ZNF543: variants seen among roughly 807,000 people sequenced by gnomAD.
ZNF543 encodes the protein zinc finger protein 543.
Under a neutral mutation model 13.4 loss-of-function variants are expected in ZNF543, and 10 were observed. The observed-to-expected ratio is 0.75, with a 90% CI of 0.46 to 1.26. ZNF543 has a LOEUF of 1.26. Ranked by LOEUF, ZNF543 falls within the 50% of genes most tolerant of loss-of-function variation. The pLI, the probability that ZNF543 is intolerant of heterozygous loss-of-function variation, is 0.00. For synonymous variants in ZNF543, 272 were observed against 264.7 expected, an observed-to-expected ratio of 1.03 and a Z score of -0.27; for missense variants, 768 against 741.2, an observed-to-expected ratio of 1.04 and a Z score of -0.42.
Position 57,328,117 on chromosome 19 carries a change from C to G in ZNF543, c.655C>G (p.Arg219Gly). Residue 219 changes from arginine to glycine, a missense_variant, in exon 4 of 4, where the codon CGG becomes GGG. By Grantham distance (125) the Arg-to-Gly change is moderately radical (BLOSUM62 -2). Coordinates refer to ENST00000321545, the MANE Select transcript of ZNF543 (RefSeq NM_213598.4). ...GAATGCCCTCCTTGTTCAGCATGAA[C>G]GGATTCACACTCAAGTGAAGCCCTA... ...KKNALLVQHERIHTQVKPYEC... is the reference protein window; with the variant it reads ...KKNALLVQHEGIHTQVKPYEC... The G allele has an allele frequency of 1.2e-6, 2 of 1,614,216 alleles. No individual in the cohort carries two copies. Among genetic ancestry groups the G allele is most frequent in the Non-Finnish European group, 1.7e-6 (2 of 1,180,030 alleles).
intron 1 of ZNF543, among the ~76,000 whole-genome samples, chr19:57,322,993 G>C (rs1054244923): frequency 1.3e-5 from 2 of 152,074 alleles, no homozygotes; most frequent in Non-Finnish European, 2.9e-5. Context: ...CATGAGGCAG[G>C]CTCACAGGGA....
Position 57,327,984 on chromosome 19 carries a change from A to G in ZNF543, c.522A>G (p.Thr174=), listed in dbSNP as rs1434234099. 1.2e-6 allele frequency: 2 copies of G among 1,614,102 alleles called. No homozygotes were observed. Among genetic ancestry groups the G allele is most frequent in the Middle Eastern group, 1.6e-4 (1 of 6,084 alleles). The stretch of plus-strand genomic sequence containing the variant: ...AGATTACACAGAAACAAGTTTCAAC[A>G]GAAGGTGATCTCTATGAATGTGATT... ...CTKITQKQVS[T]EGDLYECDSH... Residue 174 remains threonine (T), a synonymous_variant, in exon 4 of 4, where the codon ACA becomes ACG. Transcript: ENST00000321545.
In ZNF543 at chr19:57,329,814, C is replaced by T. The variant is rs1297597425; in HGVS notation, c.*549C>T. ...GGCGTGAGCCACCGCGCCCGGCCATCTCAGGGATATTTAAACAAAGGAAGA... is the reference window on the plus strand; with the variant it reads ...GGCGTGAGCCACCGCGCCCGGCCATTTCAGGGATATTTAAACAAAGGAAGA... On this transcript the variant is annotated 3_prime_UTR_variant, in exon 4 of 4. Transcript: ENST00000321545. 1 of 152,512 alleles carries T rather than the reference C, an allele frequency of 6.6e-6. No individual in the cohort carries two copies. Among genetic ancestry groups the T allele is most frequent in the Non-Finnish European group, 1.5e-5 (1 of 68,298 alleles). The allele number at this position is 152,512 out of a possible 1,614,324, so 9.4% of individuals were successfully genotyped here.
chr19:57,328,092 G>C lies in ZNF543; in HGVS notation c.630G>C (p.Lys210Asn). ...AGGAATGCGGGAAAGTGTTTAAAAA[G>C]AATGCCCTCCTTGTTCAGCATGAAC... ...KCEECGKVFK[K>N]NALLVQHERI... Residue 210 changes from lysine (K) to asparagine (N), a missense_variant, in exon 4 of 4, where the codon AAG becomes AAC. This residue lies in a region of ZNF543 where 677 missense variants were observed against 631.4 expected (regional missense o/e 1.07). Coordinates refer to ENST00000321545, the MANE Select transcript of ZNF543 (RefSeq NM_213598.4). 1.9e-6 allele frequency: 3 copies of C among 1,614,228 alleles called. No individual in the cohort carries two copies. Among genetic ancestry groups the C allele is most frequent in the Non-Finnish European group, 2.5e-6 (3 of 1,180,040 alleles).
chr19:57,323,494 CACT>C, intron 1 of ZNF543, 185 bp from the exon 2 acceptor site: 4 of 741,726 alleles, frequency 5.4e-6, no homozygotes, highest in Non-Finnish European at 9.1e-6. Flanking sequence ...GCCTGACCGA[CACT>C]GCTGTAATTT....
At chr19:57,324,354 G>GAAA (rs56924099) in intron 2 of ZNF543, among the ~76,000 whole-genome samples, 3 of 101,796 alleles carry the variant, frequency 2.9e-5, no homozygotes, top group Non-Finnish European at 3.9e-5. Context: ...GACTCCGTCT[G>GAAA]AAAAAAAAAA....
rs2088157993 is a variant in ZNF543 at position 57,330,733 on chromosome 19, T to C, written c.*1468T>C. 6.6e-6 allele frequency: 1 copy of C among 152,138 alleles called. No homozygotes were observed. Among genetic ancestry groups the C allele is most frequent in the Non-Finnish European group, 1.5e-5 (1 of 68,032 alleles). The allele number at this position is 152,138 out of a possible 1,614,324, so 9.4% of individuals were successfully genotyped here. ...ATAGTTTTACCTCATATTAAATATATTGTACAGAAGTAAAAATAATCATGT... is the reference window on the plus strand; with the variant it reads ...ATAGTTTTACCTCATATTAAATATACTGTACAGAAGTAAAAATAATCATGT... On this transcript the variant is annotated 3_prime_UTR_variant, in exon 4 of 4. Coordinates refer to ENST00000321545, the MANE Select transcript of ZNF543 (RefSeq NM_213598.4).
intron 2 of ZNF543, among the ~76,000 whole-genome samples, chr19:57,325,390 T>G (rs866114524): frequency 1.3e-5 from 2 of 152,228 alleles, no homozygotes; most frequent in African/African-American, 4.8e-5. Context: ...AGTACTTATG[T>G]CTTTTACCCC....
rs751837974 is a variant in ZNF543, at chr19:57,328,081, G to C, written c.619G>C (p.Val207Leu). 8 of 1,614,240 alleles carry C rather than the reference G, an allele frequency of 5.0e-6. No individual in the cohort carries two copies. The highest frequency in any genetic ancestry group is 6.8e-6 in the Non-Finnish European group (8 of 1,180,034). Residue 207 changes from valine to leucine, a missense_variant, in exon 4 of 4, where the codon GTG becomes CTG. Val to Leu is a conservative substitution (Grantham distance 32). Coordinates refer to ENST00000321545, the MANE Select transcript of ZNF543 (RefSeq NM_213598.4). ...CTATAAATGTGAGGAATGCGGGAAA[G>C]TGTTTAAAAAGAATGCCCTCCTTGT... is the stretch of plus-strand genomic sequence containing the variant. The part of the protein sequence containing the change: ...NSYKCEECGK[V>L]FKKNALLVQH...
chr19:57,320,958 G>A, intron 1 of ZNF543, 87 bp downstream of exon 1: 3 of 1,572,272 alleles, frequency 1.9e-6, no homozygotes, highest in East Asian at 2.3e-5. Context: ...GCCACAGGAT[G>A]TTTCTTTGTC....
At chr19:57,321,218 A>G (rs1186672280) in intron 1 of ZNF543, among the ~76,000 whole-genome samples, 1 of 152,054 alleles carries the variant, frequency 6.6e-6, no homozygotes, top group Admixed American at 6.5e-5. Context: ...CTTCAGAGCC[A>G]CCAACCTGAC....
At chr19:57,326,038 A>G (rs2088118568) in intron 2 of ZNF543, among the ~76,000 whole-genome samples, 1 of 152,120 alleles carries the variant, frequency 6.6e-6, no homozygotes, top group Non-Finnish European at 1.5e-5. Context: ...GGACTTTTCT[A>G]CTGCCATGGG....
At chr19:57,321,940 C>A (rs2088092455) in intron 1 of ZNF543, among the ~76,000 whole-genome samples, 1 of 152,158 alleles carries the variant, frequency 6.6e-6, no homozygotes, top group South Asian at 2.1e-4. Context: ...GCAGGGGACC[C>A]GTGTGGCTTC....
rs1029751683 is a variant in ZNF543, at chr19:57,330,669, C to A, written c.*1404C>A. 9.9e-5 allele frequency: 15 copies of A among 152,122 alleles called. No homozygotes were observed. Among genetic ancestry groups the A allele is most frequent in the African/African-American group, 3.1e-4 (13 of 41,484 alleles). The allele number at this position is 152,122 out of a possible 1,614,324, so 9.4% of individuals were successfully genotyped here. ...TACACATTTAGAGCGTTTTGTAATT[C>A]CTTTTTTATATTTTTAAGACTAGAT... On this transcript the variant is annotated 3_prime_UTR_variant, in exon 4 of 4. Transcript: ENST00000321545.
intron 1 of ZNF543, 103 bp from the exon 2 acceptor site, chr19:57,323,579 G>T: frequency 7.0e-7 from 1 of 1,420,162 alleles, no homozygotes; most frequent in South Asian, 1.1e-5. Flanking sequence ...TTGGTGATTT[G>T]ATTCTTGGGT....
chr19:57,328,586 CT>C lies in ZNF543; in HGVS notation c.1129del (p.Cys377AlafsTer189). 1 of 1,613,162 alleles carries C rather than the reference CT, an allele frequency of 6.2e-7. No individual in the cohort carries two copies. The highest frequency in any genetic ancestry group is 1.1e-5 in the South Asian group (1 of 91,018). Reference protein sequence around the residue: ...KPFECNECGKAFCESADLIQH... With the variant: ...KPFECNECGKXFCESADLIQH... ...TTTGAATGCAACGAGTGTGGAAAAG[CT>C]TTTTGCGAGAGTGCAGACCTCATTC... is the stretch of plus-strand genomic sequence containing the variant. On this transcript the variant is annotated frameshift_variant, in exon 4 of 4. Coordinates refer to ENST00000321545, the MANE Select transcript of ZNF543 (RefSeq NM_213598.4). LOFTEE classifies it low-confidence loss of function (END_TRUNC).
rs148674787 is a variant in ZNF543 at position 57,328,391 on chromosome 19, C to G, written c.929C>G (p.Pro310Arg). 6 of 1,613,540 alleles carry G rather than the reference C, an allele frequency of 3.7e-6. No homozygotes were observed. In the African/African-American group the frequency reaches 8.0e-5, roughly 22 times the overall value. The change falls in exon 4 of 4, where the codon CCC (proline) becomes CGC (arginine). Residue 310 changes from proline to arginine, a missense_variant. Transcript: ENST00000321545. ...CACAGGAGCCACACTGGAGAAAAAC[C>G]CTTTGTGTGCAAAGAGTGTGGCAAA... is the stretch of plus-strand genomic sequence containing the variant. ...LHHRSHTGEK[P>R]FVCKECGKAF...
At position 57,320,655 on chromosome 19, in the gene ZNF543, GCCGAGGCCTAGGCCT is replaced by G. The variant is rs1461339499; in HGVS notation, c.-195_-181del. On this transcript the variant is annotated 5_prime_UTR_variant, in exon 1 of 4. Transcript: ENST00000321545. ...CTAACGGGGTGTTCCACCGGCGCCT[GCCGAGGCCTAGGCCT>G]CCGCAGCCGCCCTCCGTCTCCTCAG... 12 of 581,870 alleles carry G rather than the reference GCCGAGGCCTAGGCCT, an allele frequency of 2.1e-5. No homozygotes were observed. Among genetic ancestry groups the G allele is most frequent in the Middle Eastern group, 4.7e-4 (1 of 2,146 alleles). The allele number at this position is 581,870 out of a possible 1,614,324, so 36.0% of individuals were successfully genotyped here.
chr19:57,326,505 C>T lies in ZNF543; in HGVS notation c.146-128C>T, dbSNP rs1337286801. 8.9e-6 allele frequency: 6 copies of T among 674,234 alleles called. No homozygotes were observed. In the East Asian group the frequency reaches 1.3e-4, roughly 15 times the overall value. 41.8% of individuals were successfully genotyped at this position (674,234 alleles called of 1,614,324 possible). The stretch of plus-strand genomic sequence containing the variant: ...TGGTTGTTTTATGGTCACGGTTCAA[C>T]GTTTTCTTTGCTTGGCTGAGAATAG... On this transcript the variant is annotated intron_variant, in intron 2 of 3. Transcript: ENST00000321545.
Sources: allele counts gnomAD v4.1 joint callset (sites outside exome capture counted in the v4.1 genomes callset), GRCh38; gene constraint gnomAD v4.1.1; regional missense constraint gnomAD v4.1.1; transcripts MANE v1.5; gene names NCBI Gene and HGNC (gene_info 2026-07-23, HGNC 2026-07-21).